ITSN1: variants seen among roughly 807,000 people sequenced by gnomAD.
ITSN1 encodes the protein intersectin-1.
Under a neutral mutation model 239.8 loss-of-function variants are expected in ITSN1, and 58 were observed. The ratio of observed to expected loss-of-function variants is 0.24; its 90% CI spans 0.20 to 0.30. ITSN1 has a LOEUF of 0.30. Ranked by LOEUF, ITSN1 falls within the 10% of genes least tolerant of loss-of-function variation. The pLI is 1.00. For missense variants in ITSN1, 1,558 were observed against 2,103.3 expected (o/e 0.74, Z 5.07); for synonymous variants, 780 against 770.8 (o/e 1.01, Z -0.20).
chr21:33,879,601 C>T (rs1984557150), intron 34 of ITSN1, among the ~76,000 whole-genome samples: 2 of 152,218 alleles, frequency 1.3e-5, no homozygotes, highest in Non-Finnish European at 2.9e-5. Flanking sequence ...TTAGAAAGGG[C>T]CCTTCCCCGA....
chr21:33,645,687 A>C (rs1428715480), intron 1 of ITSN1, among the ~76,000 whole-genome samples: 2 of 152,114 alleles, frequency 1.3e-5, no homozygotes. Flanking sequence ...CATAAAAATA[A>C]ATACGGGTTT....
chr21:33,812,152 A>G (rs889245784), intron 21 of ITSN1, among the ~76,000 whole-genome samples: 1 of 152,070 alleles, frequency 6.6e-6, no homozygotes, highest in Non-Finnish European at 1.5e-5. Context: ...CTGCTTTAAG[A>G]AAAAAAAGCC....
At chr21:33,715,609 G>A (rs1230998098) in intron 1 of ITSN1, among the ~76,000 whole-genome samples, 4 of 152,140 alleles carry the variant, frequency 2.6e-5, no homozygotes, top group East Asian at 1.9e-4. Flanking sequence ...AGAAATTGTC[G>A]AGGAAAAGAA....
In ITSN1 at chr21:33,709,899, C is replaced by T. The variant is rs1047502220; in HGVS notation, c.-32-8898C>T. Among the ~76,000 whole-genome samples the T allele has an allele frequency of 2.6e-4, 40 of 152,042 alleles. 2 individuals carry two copies. Among genetic ancestry groups the T allele is most frequent in the Admixed American group, 9.2e-4 (14 of 15,236 alleles). ...GTCTTATTACTTTATTGAGTAATCT[C>T]CATATCAGTGTTGCACAGAAGTGGT... is the stretch of plus-strand genomic sequence containing the variant. On this transcript the variant is annotated intron_variant, in intron 1 of 39. Coordinates refer to ENST00000381318, the MANE Select transcript of ITSN1 (RefSeq NM_003024.3).
intron 4 of ITSN1, among the ~76,000 whole-genome samples, chr21:33,732,887 A>G (rs1327914667): frequency 1.4e-4 from 22 of 152,232 alleles, no homozygotes; most frequent in Admixed American, 1.4e-3. Context: ...AAAGCATATT[A>G]TATGAAAAAA....
intron 1 of ITSN1, among the ~76,000 whole-genome samples, chr21:33,691,638 A>C (rs1341742895): frequency 2.0e-5 from 3 of 152,218 alleles, no homozygotes; most frequent in Non-Finnish European, 4.4e-5. Flanking sequence ...ACAAACTACT[A>C]TAGACTAGAT....
intron 1 of ITSN1, among the ~76,000 whole-genome samples, chr21:33,648,975 TTACTC>T (rs1453018919): frequency 6.6e-6 from 1 of 152,208 alleles, no homozygotes; most frequent in Non-Finnish European, 1.5e-5. Flanking sequence ...TTGTTATCCT[TTACTC>T]TGTAGTGGTT....
intron 1 of ITSN1, among the ~76,000 whole-genome samples, chr21:33,649,963 A>G (rs957514407): frequency 6.7e-5 from 10 of 150,252 alleles, no homozygotes; most frequent in African/African-American, 2.4e-4. Context: ...CAGGAGGTGG[A>G]GATTTCAGTG....
At chr21:33,656,422 T>A (rs2089081034) in intron 1 of ITSN1, among the ~76,000 whole-genome samples, 1 of 152,236 alleles carries the variant, frequency 6.6e-6, no homozygotes, top group Non-Finnish European at 1.5e-5. Context: ...TTCACATACA[T>A]ATAAAATGTT....
intron 14 of ITSN1, among the ~76,000 whole-genome samples, chr21:33,776,794 T>C (rs540977479): frequency 4.3e-4 from 65 of 152,304 alleles, no homozygotes; most frequent in African/African-American, 1.4e-3. Flanking sequence ...GTAAAAGTTC[T>C]TTTTATATTC....
At position 33,750,157 on chromosome 21, in the gene ITSN1, G is replaced by T. The variant is rs150191551; in HGVS notation, c.361G>T (p.Ala121Ser). ...TTTCTTCATAGGTATGGGAGGTATC[G>T]CCAGCATGCCACCGCTTACAGCTGT... The part of the protein sequence containing the change: ...SAPAFGMGGI[A>S]SMPPLTAVAP... The change falls in exon 6 of 40, where the codon GCC becomes TCC. Residue 121 changes from alanine (A) to serine (S), a missense_variant. Ala to Ser is a moderately conservative substitution (Grantham distance 99). Transcript: ENST00000381318. 2.5e-6 allele frequency: 4 copies of T among 1,613,862 alleles called. No homozygotes were observed. The highest frequency in any genetic ancestry group is 3.4e-6 in the Non-Finnish European group (4 of 1,179,904).
intron 1 of ITSN1, among the ~76,000 whole-genome samples, chr21:33,683,946 C>T (rs1385719151): frequency 6.6e-6 from 1 of 152,006 alleles, no homozygotes; most frequent in Non-Finnish European, 1.5e-5. Context: ...CTATTGGAGC[C>T]GATGCCCCTA....
Position 33,802,549 on chromosome 21 carries a change from G to A in ITSN1, c.2319+105G>A, listed in dbSNP as rs1467495244. 1.2e-5 allele frequency: 14 copies of A among 1,193,678 alleles called. No homozygotes were observed. In the East Asian group the frequency reaches 1.9e-4, roughly 16 times the overall value. 73.9% of individuals were successfully genotyped at this position (1,193,678 alleles called of 1,614,324 possible). A position where few individuals can be genotyped will look rare whatever the true frequency, so the allele number is the denominator to read the frequency against. On this transcript the variant is annotated intron_variant, in intron 20 of 39. Coordinates refer to ENST00000381318, the MANE Select transcript of ITSN1 (RefSeq NM_003024.3). ...TACACGTATCTCTGGGTGTTGTTGC[G>A]GCAGTAAAAATGTGTTTGAGTCTGT...
At chr21:33,789,201 C>T (rs1369858305) in intron 16 of ITSN1, among the ~76,000 whole-genome samples, 4 of 151,938 alleles carry the variant, frequency 2.6e-5, no homozygotes, top group East Asian at 1.9e-4. Flanking sequence ...ATTTTGATAC[C>T]GTATACTACA....
At chr21:33,815,315 G>A (rs1279170138) in intron 22 of ITSN1, among the ~76,000 whole-genome samples, 4 of 151,840 alleles carry the variant, frequency 2.6e-5, no homozygotes, top group Admixed American at 6.6e-5. Context: ...GCAGGAAATG[G>A]TACTTTCCTT....
At chr21:33,862,715 G>T (rs1309083427) in intron 31 of ITSN1, among the ~76,000 whole-genome samples, 1 of 152,202 alleles carries the variant, frequency 6.6e-6, no homozygotes, top group Non-Finnish European at 1.5e-5. Flanking sequence ...ATGGGCTCTG[G>T]AGTCAGACCT....
At chr21:33,665,807 C>T (rs1023984480) in intron 1 of ITSN1, among the ~76,000 whole-genome samples, 1 of 151,794 alleles carries the variant, frequency 6.6e-6, no homozygotes, top group Non-Finnish European at 1.5e-5. Flanking sequence ...TAAAAAGAAA[C>T]GAATGATATA....
intron 1 of ITSN1, among the ~76,000 whole-genome samples, chr21:33,702,086 C>A (rs901821656): frequency 6.0e-5 from 7 of 115,740 alleles, no homozygotes; most frequent in Non-Finnish European, 1.0e-4. Flanking sequence ...AAAAAACAAA[C>A]AAAAAAATTT....
chr21:33,690,823 AT>A (rs2091502503), intron 1 of ITSN1, among the ~76,000 whole-genome samples: 1 of 60,346 alleles, frequency 1.7e-5, no homozygotes, highest in African/African-American at 6.8e-5. Flanking sequence ...ATGTATATAT[AT>A]ATATATATAT....
Sources: gnomAD v4.1 joint callset for allele counts (sites outside exome capture counted in the v4.1 genomes callset) on GRCh38, gnomAD v4.1.1 for gene constraint, MANE v1.5 for transcripts, NCBI Gene and HGNC (gene_info 2026-07-23, HGNC 2026-07-21) for gene names.